The following CLASP2 variants were observed in gnomAD, a reference collection of about 807,000 sequenced individuals.
CLASP2 encodes the protein CLIP-associating protein 2.
CLASP2 carries 47 observed loss-of-function variants against 194.4 expected under a neutral mutation model. The observed-to-expected ratio is 0.24, with a 90% CI of 0.19 to 0.31. CLASP2 has a LOEUF of 0.31. Ranked by LOEUF, CLASP2 falls within the 10% of genes least tolerant of loss-of-function variation. The pLI, the probability that CLASP2 is intolerant of heterozygous loss-of-function variation, is 1.00. For missense variants in CLASP2, 1,445 were observed against 1,823.6 expected, an observed-to-expected ratio of 0.79 and a Z score of 3.78; for synonymous variants, 619 against 633.5, an observed-to-expected ratio of 0.98 and a Z score of 0.34.
chr3:33,668,355 G>T (rs1361204354), intron 6 of CLASP2, among the ~76,000 whole-genome samples: 2 of 152,204 alleles, frequency 1.3e-5, no homozygotes, highest in Admixed American at 1.3e-4. Flanking sequence ...ACTTTAGAGG[G>T]CTATATCCAA....
At chr3:33,685,782 G>C (rs1468883593) in intron 5 of CLASP2, among the ~76,000 whole-genome samples, 1 of 123,276 alleles carries the variant, frequency 8.1e-6, no homozygotes, top group Admixed American at 1.1e-4. Context: ...ACAGAAAGGA[G>C]AATAGTGGTT....
At chr3:33,647,214 T>C (rs1198241938) in intron 7 of CLASP2, among the ~76,000 whole-genome samples, 1 of 152,078 alleles carries the variant, frequency 6.6e-6, no homozygotes, top group African/African-American at 2.4e-5. Context: ...TAGATTATTT[T>C]AGATTATAAC....
intron 34 of CLASP2, among the ~76,000 whole-genome samples, chr3:33,532,511 TTAAGA>T (rs1472700563): frequency 6.6e-6 from 1 of 152,176 alleles, no homozygotes; most frequent in Non-Finnish European, 1.5e-5. Flanking sequence ...TATAAAATGC[TTAAGA>T]TAATAAATGT....
At chr3:33,682,072 C>T (rs760584070) in intron 6 of CLASP2, among the ~76,000 whole-genome samples, 11 of 152,112 alleles carry the variant, frequency 7.2e-5, no homozygotes, top group South Asian at 4.1e-4. Context: ...AATGCTGGCA[C>T]GGTGCTTCTT....
At chr3:33,540,479 T>A (rs553934464) in intron 32 of CLASP2, among the ~76,000 whole-genome samples, 147 of 152,240 alleles carry the variant, frequency 9.7e-4, no homozygotes, top group African/African-American at 3.5e-3. Context: ...TGGCCTCAAG[T>A]GATCCTCCTG....
rs891305008 is a variant in CLASP2, at chr3:33,717,750, G to A, written c.195+58C>T. The A allele has an allele frequency of 5.9e-6, 9 of 1,528,590 alleles. No homozygotes were observed. In the East Asian group the frequency reaches 2.0e-4, roughly 33 times the overall value. 94.7% of individuals were successfully genotyped at this position (1,528,590 alleles called of 1,614,324 possible). A position where few individuals can be genotyped will look rare whatever the true frequency, so the allele number is the denominator to read the frequency against. ...CTTTCCCGGCCCGGCGCTCGCGTCC[G>A]GGATTAAAGGGCTGCCGCGGAGGGC... On this transcript the variant is annotated intron_variant, in intron 1 of 38. Transcript: ENST00000682230.
Position 33,645,263 on chromosome 3 carries a change from C to A in CLASP2, c.716-360G>T, listed in dbSNP as rs535367464. ...AGCACGCCCTGCCTTATTCCTTATA[C>A]CCAGATTCTGCAACTTACAATCACA... is the stretch of plus-strand genomic sequence containing the variant. On this transcript the variant is annotated intron_variant, in intron 7 of 38. Transcript: ENST00000682230. The A allele has an allele frequency of 3.9e-6, 3 of 765,286 alleles. No homozygotes were observed. The Admixed American group carries it at 5.1e-5, about 13-fold the overall frequency. The allele number at this position is 765,286 out of a possible 1,614,324, so 47.4% of individuals were successfully genotyped here.
At chr3:33,712,100 T>C (rs1325584072) in intron 1 of CLASP2, among the ~76,000 whole-genome samples, 1 of 152,100 alleles carries the variant, frequency 6.6e-6, no homozygotes, top group African/African-American at 2.4e-5. Flanking sequence ...TTTGCAAAGA[T>C]ATGGAACCAA....
At chr3:33,660,736 A>C (rs1050504747) in intron 7 of CLASP2, among the ~76,000 whole-genome samples, 1 of 152,242 alleles carries the variant, frequency 6.6e-6, no homozygotes, top group African/African-American at 2.4e-5. Context: ...AGTGAGGGAG[A>C]GAAAAGGTAG....
Position 33,555,384 on chromosome 3 carries a change from G to A in CLASP2, c.3009+3923C>T, listed in dbSNP as rs1408082682. 7.6e-5 allele frequency among the ~76,000 whole-genome samples: 9 copies of A among 118,998 alleles called. 1 individual carries two copies. In the Admixed American group the frequency reaches 8.0e-4, roughly 11 times the overall value. 78.1% of individuals were successfully genotyped at this position (118,998 alleles called of 152,430 possible). A position where few individuals can be genotyped will look rare whatever the true frequency, so the allele number is the denominator to read the frequency against. On this transcript the variant is annotated intron_variant, in intron 29 of 38. Coordinates refer to ENST00000682230, the MANE Select transcript of CLASP2 (RefSeq NM_001365631.1). ...TATTCTGATTTTTTTTTTTTTTTTT[G>A]AGATAAGGTCTCATTCTGTCACCCA...
chr3:33,542,287 T>A (rs2058483363), intron 32 of CLASP2, among the ~76,000 whole-genome samples: 1 of 150,062 alleles, frequency 6.7e-6, no homozygotes, highest in Admixed American at 6.7e-5. Context: ...CTCAGAGGTA[T>A]ATATTCACTA....
intron 18 of CLASP2, among the ~76,000 whole-genome samples, chr3:33,597,759 T>TC (rs919220708): frequency 8.0e-5 from 12 of 150,338 alleles, no homozygotes; most frequent in African/African-American, 2.9e-4. Flanking sequence ...TTTCTTTCTT[T>TC]TTTTTTTTTT....
intron 4 of CLASP2, among the ~76,000 whole-genome samples, chr3:33,687,580 G>A (rs951647579): frequency 1.3e-5 from 2 of 152,184 alleles, no homozygotes; most frequent in Non-Finnish European, 1.5e-5. Context: ...ACAAAGAGCT[G>A]TGCAGACTGA....
chr3:33,527,949 C>T (rs377553104), intron 34 of CLASP2, among the ~76,000 whole-genome samples: 1 of 151,842 alleles, frequency 6.6e-6, no homozygotes, highest in Non-Finnish European at 1.5e-5. Context: ...GGTGACAGAG[C>T]GAGACTGTCT....
rs867176572 is a variant in CLASP2, at chr3:33,650,545, G to A, written c.716-5642C>T. Among the ~76,000 whole-genome samples the A allele has an allele frequency of 3.3e-5, 5 of 152,066 alleles. No individual in the cohort carries two copies. In the South Asian group the frequency reaches 8.3e-4, roughly 25 times the overall value. On this transcript the variant is annotated intron_variant, in intron 7 of 38. Transcript: ENST00000682230. ...GTGGTTTTCTATATAATGGAGATGG[G>A]AAAGAAGGAAAGAAAATGGAGAAAA...
chr3:33,625,176 T>C (rs936134775), intron 10 of CLASP2, among the ~76,000 whole-genome samples: 2 of 116,158 alleles, frequency 1.7e-5, no homozygotes, highest in Non-Finnish European at 3.3e-5. Flanking sequence ...TAAATGATTA[T>C]AAAAATTACA....
At chr3:33,577,772 G>A (rs1008246313) in intron 23 of CLASP2, among the ~76,000 whole-genome samples, 1 of 152,112 alleles carries the variant, frequency 6.6e-6, no homozygotes, top group Non-Finnish European at 1.5e-5. Flanking sequence ...GAGCCAATTT[G>A]CCCTAATGAC....
intron 22 of CLASP2, among the ~76,000 whole-genome samples, chr3:33,582,266 G>T (rs1284626742): frequency 6.6e-6 from 1 of 152,032 alleles, no homozygotes; most frequent in East Asian, 1.9e-4. Flanking sequence ...GGTATCTTAG[G>T]TTAAAATCTT....
At chr3:33,598,675 G>A (rs2071169804) in intron 18 of CLASP2, among the ~76,000 whole-genome samples, 1 of 151,912 alleles carries the variant, frequency 6.6e-6, no homozygotes. Flanking sequence ...CCCTTTTCTT[G>A]ACCGTCAGGC....
Sources: allele counts gnomAD v4.1 joint callset (sites outside exome capture counted in the v4.1 genomes callset), GRCh38; gene constraint gnomAD v4.1.1; transcripts MANE v1.5; gene names NCBI Gene and HGNC (gene_info 2026-07-23, HGNC 2026-07-21).